The following MED12L variants were observed in gnomAD, a reference collection of about 807,000 sequenced individuals.
MED12L encodes the protein mediator complex subunit 12L.
A neutral mutation model predicts 281.3 loss-of-function variants in MED12L; 60 were observed. The observed-to-expected ratio is 0.21, with a 90% CI of 0.17 to 0.26. The LOEUF is 0.26. Among genes scored for constraint, MED12L ranks in the 10% least tolerant of loss-of-function variants. The pLI is 1.00. For missense variants in MED12L, 2,146 were observed against 2,680.9 expected (o/e 0.80, Z 4.41); for synonymous variants, 974 against 987.2 (o/e 0.99, Z 0.25).
chr3:151,096,011 G>T (rs79014434), intron 2 of MED12L, among the ~76,000 whole-genome samples: 1,897 of 152,314 alleles, frequency 0.012, 49 homozygotes, highest in African/African-American at 0.043. Context: ...AAAAGTACAG[G>T]CACAGAAGGA....
intron 2 of MED12L, among the ~76,000 whole-genome samples, chr3:151,087,375 A>G (rs1008943234): frequency 2.0e-5 from 3 of 152,210 alleles, no homozygotes; most frequent in Non-Finnish European, 4.4e-5. Context: ...GCTTCGGTAA[A>G]TCGTCGTAAA....
intron 16 of MED12L, among the ~76,000 whole-genome samples, chr3:151,218,717 A>T (rs1728717654): frequency 6.6e-6 from 1 of 151,858 alleles, no homozygotes; most frequent in Non-Finnish European, 1.5e-5. Flanking sequence ...AAATAAAAAA[A>T]TTAGCCAGGT....
chr3:151,363,958 A>G (rs1372861237), intron 21 of MED12L, among the ~76,000 whole-genome samples: 2 of 152,006 alleles, frequency 1.3e-5, no homozygotes, highest in African/African-American at 2.4e-5. Context: ...TCTTCGAGGG[A>G]CTCATTCCTG....
chr3:151,345,872 A>G (rs6767192), intron 16 of MED12L, among the ~76,000 whole-genome samples: 60,114 of 151,898 alleles, frequency 0.4, 12,176 homozygotes, highest in African/African-American at 0.47. Context: ...GGCTCTTGAA[A>G]AATAGTAGCT....
intron 16 of MED12L, among the ~76,000 whole-genome samples, chr3:151,343,967 G>A (rs2149978954): frequency 1.3e-5 from 2 of 152,194 alleles, no homozygotes; most frequent in East Asian, 3.9e-4. Context: ...TTGTTTGAGG[G>A]TGTGTATTTT....
At position 151,435,669 on chromosome 3, in the gene MED12L, A is replaced by G. The variant is rs773266052; in HGVS notation, c.*2865A>G. On this transcript the variant is annotated 3_prime_UTR_variant, in exon 45 of 45. Coordinates refer to ENST00000687756, the MANE Select transcript of MED12L (RefSeq NM_001393769.1). ...TGTTTGAATAGATGCTGGAGAAATTACACTGGAAAACCCCACCCCTAGATT... is the reference window on the plus strand; with the variant it reads ...TGTTTGAATAGATGCTGGAGAAATTGCACTGGAAAACCCCACCCCTAGATT... The G allele has an allele frequency of 4.6e-5, 7 of 152,182 alleles. No homozygotes were observed. The highest frequency in any genetic ancestry group is 2.0e-4 in the Admixed American group (3 of 15,278). 9.4% of individuals were successfully genotyped at this position (152,182 alleles called of 1,614,324 possible). A position where few individuals can be genotyped will look rare whatever the true frequency, so the allele number is the denominator to read the frequency against.
intron 16 of MED12L, among the ~76,000 whole-genome samples, chr3:151,240,351 C>T (rs965911750): frequency 6.6e-6 from 1 of 152,194 alleles, no homozygotes; most frequent in Non-Finnish European, 1.5e-5. Flanking sequence ...ACAGCTCAAG[C>T]AGTTTCCAGT....
intron 11 of MED12L, among the ~76,000 whole-genome samples, chr3:151,178,410 CAA>C (rs147222628): frequency 0.35 from 53,186 of 151,684 alleles, 13,383 homozygotes; most frequent in African/African-American, 0.71. Context: ...TATTCCAGCT[CAA>C]AAGGGAGCAG....
chr3:151,429,836 A>G (rs964341877), intron 43 of MED12L, among the ~76,000 whole-genome samples: 8 of 152,162 alleles, frequency 5.3e-5, no homozygotes, highest in African/African-American at 1.9e-4. Flanking sequence ...ATAGTCCCAA[A>G]TGAGCCCTAG....
intron 16 of MED12L, among the ~76,000 whole-genome samples, chr3:151,299,300 G>A (rs530978021): frequency 5.3e-5 from 8 of 151,754 alleles, no homozygotes; most frequent in African/African-American, 1.7e-4. Context: ...CACTACCAGG[G>A]CACAGCTGCC....
At chr3:151,342,627 A>G (rs564029209) in intron 16 of MED12L, among the ~76,000 whole-genome samples, 1 of 152,316 alleles carries the variant, frequency 6.6e-6, no homozygotes, top group South Asian at 2.1e-4. Context: ...TTTTGTTGCC[A>G]TTTAGAACTT....
intron 8 of MED12L, among the ~76,000 whole-genome samples, chr3:151,162,326 C>G (rs970346608): frequency 6.6e-6 from 1 of 152,166 alleles, no homozygotes; most frequent in Non-Finnish European, 1.5e-5. Context: ...GTTTCAGGGA[C>G]TTGACATTCT....
In MED12L at chr3:151,160,059, A is replaced by G. The variant is rs1162686499; in HGVS notation, c.1065A>G (p.Ala355=). The G allele has an allele frequency of 1.9e-6, 3 of 1,613,934 alleles. 1 individual carries two copies. In the Admixed American group the frequency reaches 5.0e-5, roughly 27 times the overall value. The part of the protein sequence containing the change: ...QLAFSDFLSC[A]QHGPLVYGLS... Reference sequence around the variant, plus strand: ...CCTTCTCAGATTTTCTTTCCTGTGCACAGCATGGTCCCCTGGTTTATGGAC... The same window carrying G: ...CCTTCTCAGATTTTCTTTCCTGTGCGCAGCATGGTCCCCTGGTTTATGGAC... The change falls in exon 8 of 45, where the codon GCA becomes GCG. Residue 355 remains alanine, a synonymous_variant. Transcript: ENST00000687756.
At chr3:151,356,713 C>G (rs1030950821) in intron 19 of MED12L, among the ~76,000 whole-genome samples, 2 of 151,956 alleles carry the variant, frequency 1.3e-5, no homozygotes, top group East Asian at 1.9e-4. Flanking sequence ...TATAATAGAG[C>G]ATGTTTTAGG....
Position 151,372,733 on chromosome 3 carries a change from C to T in MED12L, c.3831C>T (p.Tyr1277=), listed in dbSNP as rs967367608. Residue 1277 remains tyrosine, a synonymous_variant, in exon 27 of 45, where the codon TAC becomes TAT. Transcript: ENST00000687756. The part of the protein sequence containing the change: ...ISIETANLRE[Y]ARYVLRTICQ... ...TAGAAACTGCCAATTTAAGAGAATA[C>T]GCTAGATATGTACTGAGGACTATCT... 18 of 1,613,616 alleles carry T rather than the reference C, an allele frequency of 1.1e-5. No individual in the cohort carries two copies. The highest frequency in any genetic ancestry group is 1.6e-4 in the Middle Eastern group (1 of 6,080).
chr3:151,239,054 G>A (rs768579669), intron 16 of MED12L, among the ~76,000 whole-genome samples: 166 of 152,342 alleles, frequency 1.1e-3, no homozygotes, highest in Non-Finnish European at 2.0e-3. Flanking sequence ...TCTGTCTGCT[G>A]TTGTGAGTTT....
chr3:151,269,258 G>A (rs1320813473), intron 16 of MED12L, among the ~76,000 whole-genome samples: 1 of 152,082 alleles, frequency 6.6e-6, no homozygotes, highest in African/African-American at 2.4e-5. Flanking sequence ...AAATTAGCCA[G>A]GTGTGGTGGT....
chr3:151,101,924 G>T (rs570456389), intron 2 of MED12L, among the ~76,000 whole-genome samples: 1 of 152,302 alleles, frequency 6.6e-6, no homozygotes, highest in East Asian at 1.9e-4. Flanking sequence ...TCAAAGGAAA[G>T]GAAGAGAGGA....
intron 16 of MED12L, among the ~76,000 whole-genome samples, chr3:151,266,760 A>G (rs1739912577): frequency 6.6e-6 from 1 of 152,238 alleles, no homozygotes; most frequent in Admixed American, 6.5e-5. Flanking sequence ...TGCAGGAAAT[A>G]GTTAGCTGCC....
Sources: gnomAD v4.1 joint callset for allele counts (sites outside exome capture counted in the v4.1 genomes callset) on GRCh38, gnomAD v4.1.1 for gene constraint, MANE v1.5 for transcripts, NCBI Gene and HGNC (gene_info 2026-07-23, HGNC 2026-07-21) for gene names.